PVALEF: variants seen among roughly 807,000 people sequenced by gnomAD.
PVALEF encodes the protein parvalbumin like EF-hand containing.
PVALEF carries 2 observed loss-of-function variants against 1.2 expected under a neutral mutation model. That is an observed-to-expected ratio of 1.68 (90% CI 0.69 to 5.28). PVALEF has a LOEUF of 5.28. PVALEF is among the 30% of genes most tolerant of loss of function. The pLI, the probability that PVALEF is intolerant of heterozygous loss-of-function variation, is 0.06. For synonymous variants in PVALEF, 16 were observed against 6.5 expected, an observed-to-expected ratio of 2.47 and a Z score of -2.24; for missense variants, 35 against 17.7, an observed-to-expected ratio of 1.97 and a Z score of -1.75.
At chr17:81,166,107 C>T in intron 1 of PVALEF, 3 of 537,494 alleles carry the variant, frequency 5.6e-6, no homozygotes, top group South Asian at 7.5e-5. Context: ...AGCGCGCCGG[C>T]CCCCGCGCCC....
intron 1 of PVALEF, among the ~76,000 whole-genome samples, chr17:81,166,275 C>T (rs1257658499): frequency 2.0e-5 from 2 of 101,288 alleles, no homozygotes; most frequent in East Asian, 6.7e-4. Context: ...GGGGGCCCTC[C>T]GCGGCCGGGG....
intron 2 of PVALEF, among the ~76,000 whole-genome samples, chr17:81,176,740 C>T (rs2061536911): frequency 6.6e-6 from 1 of 152,072 alleles, no homozygotes; most frequent in African/African-American, 2.4e-5. Context: ...CAGTATCATC[C>T]AGCAATTCCA....
chr17:81,174,021 C>T (rs926339158), intron 2 of PVALEF, among the ~76,000 whole-genome samples: 1 of 152,192 alleles, frequency 6.6e-6, no homozygotes, highest in Non-Finnish European at 1.5e-5. Context: ...GTGTGATACA[C>T]CACATTCTCA....
intron 2 of PVALEF, among the ~76,000 whole-genome samples, chr17:81,169,904 G>A (rs2061512994): frequency 6.6e-6 from 1 of 151,894 alleles, no homozygotes; most frequent in African/African-American, 2.4e-5. Context: ...ATAGAGGTAG[G>A]TGTGTATCGG....
chr17:81,180,369 G>GA (rs2061549627), intron 3 of PVALEF, among the ~76,000 whole-genome samples: 1 of 151,914 alleles, frequency 6.6e-6, no homozygotes, highest in African/African-American at 2.4e-5. Context: ...CAGGGTTGGG[G>GA]AAGGTGAGCC....
chr17:81,168,715 C>T (rs778742617), intron 2 of PVALEF, among the ~76,000 whole-genome samples: 5 of 152,144 alleles, frequency 3.3e-5, no homozygotes, highest in Middle Eastern at 3.4e-3. Context: ...AAGCATTGCC[C>T]GTCGAAGAGG....
rs2061560539 is a variant in PVALEF, at chr17:81,183,121, G to A, written c.*110G>A. On this transcript the variant is annotated 3_prime_UTR_variant, in exon 7 of 7. Transcript: ENST00000637878. The stretch of plus-strand genomic sequence containing the variant: ...GTAAGAGGCGGCAGCCGTGAGGGTG[G>A]ACCCAGCTTTTGAAGGAAAATGGAA... The A allele has an allele frequency of 5.0e-6, 2 of 398,320 alleles. No individual in the cohort carries two copies. Among genetic ancestry groups the A allele is most frequent in the South Asian group, 2.6e-4 (2 of 7,762 alleles). 24.7% of individuals were successfully genotyped at this position (398,320 alleles called of 1,614,324 possible).
Position 81,176,467 on chromosome 17 carries a change from G to A in PVALEF, c.-339-2451G>A, listed in dbSNP as rs184420140. 1.9e-3 allele frequency among the ~76,000 whole-genome samples: 284 copies of A among 152,186 alleles called. 2 individuals carry two copies. Among genetic ancestry groups the A allele is most frequent in the Non-Finnish European group, 2.5e-3 (167 of 68,026 alleles). The stretch of plus-strand genomic sequence containing the variant: ...CAGAAAGCAGAGGTTGCAGTGAGCC[G>A]AGGTCATGCCACTGCGCTCCAGCCT... On this transcript the variant is annotated intron_variant, in intron 2 of 6. Coordinates refer to ENST00000637878, the MANE Select transcript of PVALEF (RefSeq NM_001354639.2).
intron 2 of PVALEF, among the ~76,000 whole-genome samples, chr17:81,169,845 T>C (rs1001092363): frequency 2.1e-5 from 3 of 142,324 alleles, no homozygotes; most frequent in Admixed American, 2.0e-4. Context: ...TTGGTAGGTA[T>C]ATGTGTGTGT....
Position 81,170,427 on chromosome 17 carries a change from C to G in PVALEF, c.-340+3583C>G, listed in dbSNP as rs534200259. ...GCCCCAGTCATTGCATTAGGACCCCCTGCTCCAGTCTGGCCTCCTCTTGAT... is the reference window on the plus strand; with the variant it reads ...GCCCCAGTCATTGCATTAGGACCCCGTGCTCCAGTCTGGCCTCCTCTTGAT... On this transcript the variant is annotated intron_variant, in intron 2 of 6. Coordinates refer to ENST00000637878, the MANE Select transcript of PVALEF (RefSeq NM_001354639.2). Among the ~76,000 whole-genome samples the G allele has an allele frequency of 1.6e-3, 245 of 152,182 alleles. 1 individual carries two copies. Among genetic ancestry groups the G allele is most frequent in the Non-Finnish European group, 2.5e-3 (168 of 67,994 alleles).
Position 81,181,624 on chromosome 17 carries a change from G to T in PVALEF, c.172G>T (p.Asp58Tyr). 4 of 419,300 alleles carry T rather than the reference G, an allele frequency of 9.5e-6. No individual in the cohort carries two copies. Among genetic ancestry groups the T allele is most frequent in the Non-Finnish European group, 1.7e-5 (4 of 239,586 alleles). 26.0% of individuals were successfully genotyped at this position (419,300 alleles called of 1,614,324 possible). A position where few individuals can be genotyped will look rare whatever the true frequency, so the allele number is the denominator to read the frequency against. Residue 58 changes from aspartate to tyrosine, a missense_variant, in exon 5 of 7, where the codon GAC (aspartate) becomes TAC (tyrosine). Transcript: ENST00000637878. Reference protein sequence around the residue: ...RKLHASGQLDDAIHTAFQSLD... With the variant: ...RKLHASGQLDYAIHTAFQSLD... The stretch of plus-strand genomic sequence containing the variant: ...GCTCCACGCCTCGGGCCAGCTGGAC[G>T]ACGCCATCCACACGGCCTTCCAGTC...
At position 81,166,805 on chromosome 17, in the gene PVALEF, A is replaced by T. The variant is rs1325579236; in HGVS notation, c.-379A>T. 2.2e-6 allele frequency: 1 copy of T among 455,298 alleles called. No homozygotes were observed. Among genetic ancestry groups the T allele is most frequent in the African/African-American group, 2.0e-5 (1 of 50,004 alleles). The allele number at this position is 455,298 out of a possible 1,614,324, so 28.2% of individuals were successfully genotyped here. A position where few individuals can be genotyped will look rare whatever the true frequency, so the allele number is the denominator to read the frequency against. On this transcript the variant is annotated 5_prime_UTR_variant, in exon 2 of 7. It adds an upstream start codon to the 5' untranslated region. Coordinates refer to ENST00000637878, the MANE Select transcript of PVALEF (RefSeq NM_001354639.2). ...ACCGTGCTGCGACAGCCATGAAGGA[A>T]GAACCTGGCTGAGTCTCCACCTGCC...
At chr17:81,167,235 G>A (rs1186258400) in intron 2 of PVALEF, among the ~76,000 whole-genome samples, 1 of 152,268 alleles carries the variant, frequency 6.6e-6, no homozygotes, top group African/African-American at 2.4e-5. Flanking sequence ...AGAGGCCGCA[G>A]TGAGCCAAGA....
At position 81,170,051 on chromosome 17, in the gene PVALEF, C is replaced by T. The variant is rs906623142; in HGVS notation, c.-340+3207C>T. Reference sequence around the variant, plus strand: ...GTGTAGGTGTGTTGGCATGTGTGTGCATGTGTGTTGGTGTGTATGTGTGTG... The same window carrying T: ...GTGTAGGTGTGTTGGCATGTGTGTGTATGTGTGTTGGTGTGTATGTGTGTG... On this transcript the variant is annotated intron_variant, in intron 2 of 6. Transcript: ENST00000637878. Among the ~76,000 whole-genome samples, 5 of 122,010 alleles carry T rather than the reference C, an allele frequency of 4.1e-5. No individual in the cohort carries two copies. In the East Asian group the frequency reaches 1.1e-3, roughly 26 times the overall value. The allele number at this position is 122,010 out of a possible 152,430, so 80.0% of individuals were successfully genotyped here.
At position 81,178,998 on chromosome 17, in the gene PVALEF, G is replaced by C; in HGVS notation, c.-259G>C. 2.3e-6 allele frequency: 1 copy of C among 437,962 alleles called. No homozygotes were observed. The highest frequency in any genetic ancestry group is 7.2e-5 in the East Asian group (1 of 13,890). 27.1% of individuals were successfully genotyped at this position (437,962 alleles called of 1,614,324 possible). A position where few individuals can be genotyped will look rare whatever the true frequency, so the allele number is the denominator to read the frequency against. ...ACCAAGTGCCTGCGAGCCCCTGGGA[G>C]CTGCCCGTGCCAGGCTGGAGTGCCG... On this transcript the variant is annotated 5_prime_UTR_variant, in exon 3 of 7. Coordinates refer to ENST00000637878, the MANE Select transcript of PVALEF (RefSeq NM_001354639.2).
intron 2 of PVALEF, among the ~76,000 whole-genome samples, chr17:81,169,529 C>T (rs778733177): frequency 6.6e-6 from 1 of 152,148 alleles, no homozygotes; most frequent in Non-Finnish European, 1.5e-5. Flanking sequence ...AACCAGAAGG[C>T]GGAACTTGCA....
chr17:81,182,207 G>T, intron 6 of PVALEF, 126 bp downstream of exon 6: 1 of 396,562 alleles, frequency 2.5e-6, no homozygotes, highest in South Asian at 1.4e-4. Flanking sequence ...CAGGCTCAGG[G>T]GTCTGGGCCG....
intron 2 of PVALEF, among the ~76,000 whole-genome samples, chr17:81,173,063 A>C (rs1423165827): frequency 6.6e-6 from 1 of 152,178 alleles, no homozygotes; most frequent in East Asian, 1.9e-4. Flanking sequence ...GCCCGTGGCC[A>C]GGGGAGCTCC....
At chr17:81,178,411 C>T (rs533613669) in intron 2 of PVALEF, among the ~76,000 whole-genome samples, 3 of 152,316 alleles carry the variant, frequency 2.0e-5, no homozygotes, top group African/African-American at 7.2e-5. Flanking sequence ...AGAAGGTAAC[C>T]GTGCCCCTGG....
Sources: allele counts gnomAD v4.1 joint callset (sites outside exome capture counted in the v4.1 genomes callset), GRCh38; gene constraint gnomAD v4.1.1; transcripts MANE v1.5; gene names NCBI Gene and HGNC (gene_info 2026-07-23, HGNC 2026-07-21).